ACAD11: variants seen among roughly 807,000 people sequenced by gnomAD.
The protein encoded by ACAD11 is acyl-Coenzyme A dehydrogenase family, member 11.
ACAD11 carries 83 observed loss-of-function variants against 102.2 expected under a neutral mutation model. The observed-to-expected ratio is 0.81, with a 90% CI of 0.68 to 0.97. ACAD11 has a LOEUF of 0.97. Among genes scored for constraint, ACAD11 ranks in the 50% least tolerant of loss-of-function variants. The probability of loss-of-function intolerance (pLI) is 0.00; values close to 1 mark genes in which losing one functional copy is unlikely to be tolerated. For missense variants in ACAD11, 901 were observed against 951.7 expected, an observed-to-expected ratio of 0.95 and a Z score of 0.70; for synonymous variants, 324 against 319.8, an observed-to-expected ratio of 1.01 and a Z score of -0.14.
intron 1 of ACAD11, among the ~76,000 whole-genome samples, chr3:132,656,411 A>C (rs963951490): frequency 1.2e-4 from 19 of 152,020 alleles, no homozygotes; most frequent in African/African-American, 4.6e-4. Context: ...GATCATGTTG[A>C]GTTATTTTTC....
intron 13 of ACAD11, among the ~76,000 whole-genome samples, chr3:132,599,065 C>T (rs1938448746): frequency 6.6e-6 from 1 of 152,186 alleles, no homozygotes; most frequent in Non-Finnish European, 1.5e-5. Flanking sequence ...GTTACTCCAA[C>T]TCTTTGCGAG....
chr3:132,573,742 T>C (rs1044594832), intron 17 of ACAD11, among the ~76,000 whole-genome samples: 2 of 152,230 alleles, frequency 1.3e-5, no homozygotes, highest in African/African-American at 4.8e-5. Context: ...TGGGTCTCTA[T>C]AGACCCTAGA....
chr3:132,562,807 A>G (rs1356345882), intron 17 of ACAD11, among the ~76,000 whole-genome samples: 1 of 152,174 alleles, frequency 6.6e-6, no homozygotes. Context: ...AGTCCTTCAT[A>G]TATTCAGGAC....
At chr3:132,564,889 G>A (rs557173640) in intron 17 of ACAD11, among the ~76,000 whole-genome samples, 11 of 152,272 alleles carry the variant, frequency 7.2e-5, no homozygotes, top group African/African-American at 2.2e-4. Flanking sequence ...ACCTAGTGGT[G>A]TGTTTCCTAG....
Position 132,558,877 on chromosome 3 carries a change from A to G in ACAD11, c.*94T>C. 1.1e-6 allele frequency: 1 copy of G among 894,720 alleles called. No individual in the cohort carries two copies. The highest frequency in any genetic ancestry group is 1.8e-6 in the Non-Finnish European group (1 of 566,304). 55.4% of individuals were successfully genotyped at this position (894,720 alleles called of 1,614,324 possible). ...AAATGAATAATTAACCCTGTGCTCA[A>G]ACTGCTACAAAAATATGAGATTCAA... On this transcript the variant is annotated 3_prime_UTR_variant, in exon 20 of 20. Transcript: ENST00000264990.
At chr3:132,592,096 G>A (rs1440372936) in intron 13 of ACAD11, among the ~76,000 whole-genome samples, 1 of 152,084 alleles carries the variant, frequency 6.6e-6, no homozygotes, top group African/African-American at 2.4e-5. Context: ...ATGAAGTAGA[G>A]GAAGTAAGGG....
intron 17 of ACAD11, among the ~76,000 whole-genome samples, chr3:132,575,010 G>GTT (rs112599628): frequency 4.7e-5 from 7 of 149,974 alleles, no homozygotes; most frequent in African/African-American, 1.7e-4. Context: ...AATTTTTTTT[G>GTT]TTTTTTTTTG....
At chr3:132,577,236 C>CTTTTTTTTTTTTTTTTTTTTTTTTT (rs1379584707) in intron 15 of ACAD11, among the ~76,000 whole-genome samples, 1 of 151,808 alleles carries the variant, frequency 6.6e-6, no homozygotes, top group African/African-American at 2.4e-5. Flanking sequence ...CAGATGTTTT[C>CTTTTTTTTTTTTTTTTTTTTTTTTT]TAATTCATTC....
At chr3:132,567,374 AG>A (rs2107783082) in intron 17 of ACAD11, among the ~76,000 whole-genome samples, 1 of 152,348 alleles carries the variant, frequency 6.6e-6, no homozygotes, top group South Asian at 2.1e-4. Flanking sequence ...TGACACCAAT[AG>A]ACTTTAATAA....
chr3:132,655,186 C>T (rs1937717096), intron 1 of ACAD11, among the ~76,000 whole-genome samples: 2 of 152,218 alleles, frequency 1.3e-5, no homozygotes, highest in Non-Finnish European at 2.9e-5. Flanking sequence ...CCATTCTACA[C>T]TCCCACTCTG....
At position 132,575,880 on chromosome 3, in the gene ACAD11, G is replaced by T. The variant is rs768430179; in HGVS notation, c.1893C>A (p.Gly631=). Residue 631 remains glycine (G), a synonymous_variant, in exon 17 of 20, where the codon GGC becomes GGA. Coordinates refer to ENST00000264990, the MANE Select transcript of ACAD11 (RefSeq NM_032169.5). ...CTGTTCTCATACAGTGGTGGATTCTGCCAGGTCCAAGGCGGCCTTGGGAAA... is the reference window on the plus strand; with the variant it reads ...CTGTTCTCATACAGTGGTGGATTCTTCCAGGTCCAAGGCGGCCTTGGGAAA... ...FEISQGRLGP[G]RIHHCMRTVG... 6.2e-7 allele frequency: 1 copy of T among 1,614,028 alleles called. No individual in the cohort carries two copies. Among genetic ancestry groups the T allele is most frequent in the Non-Finnish European group, 8.5e-7 (1 of 1,179,960 alleles).
chr3:132,628,242 A>G (rs1346917304), intron 8 of ACAD11, 98 bp downstream of exon 8: 3 of 680,426 alleles, frequency 4.4e-6, no homozygotes, highest in African/African-American at 1.9e-5. Context: ...ATCCTGGTGT[A>G]TGCAATAAAA....
At chr3:132,629,783 T>C (rs990758127) in intron 7 of ACAD11, among the ~76,000 whole-genome samples, 1 of 152,174 alleles carries the variant, frequency 6.6e-6, no homozygotes, top group African/African-American at 2.4e-5. Flanking sequence ...CCCTAGCCCC[T>C]TGCTATTGAT....
chr3:132,632,828 C>A (rs1940103903), intron 5 of ACAD11, among the ~76,000 whole-genome samples: 1 of 152,108 alleles, frequency 6.6e-6, no homozygotes, highest in Non-Finnish European at 1.5e-5. Context: ...GTATTTTATT[C>A]TCTTTGAAGC....
chr3:132,633,619 G>C (rs1385722789), intron 5 of ACAD11, among the ~76,000 whole-genome samples: 2 of 152,026 alleles, frequency 1.3e-5, no homozygotes, highest in African/African-American at 2.4e-5. Flanking sequence ...CCCTCTTTTT[G>C]TATTGATTGG....
At chr3:132,632,638 GA>G (rs1940096088) in intron 5 of ACAD11, among the ~76,000 whole-genome samples, 1 of 152,096 alleles carries the variant, frequency 6.6e-6, no homozygotes, top group South Asian at 2.1e-4. Context: ...GCTTGATGGG[GA>G]TGGCATTGAA....
chr3:132,598,637 G>A (rs1394822047), intron 13 of ACAD11, among the ~76,000 whole-genome samples: 1 of 152,142 alleles, frequency 6.6e-6, no homozygotes, highest in Non-Finnish European at 1.5e-5. Context: ...TTATTGAGTA[G>A]GAATTGGCCC....
intron 1 of ACAD11, among the ~76,000 whole-genome samples, chr3:132,645,680 A>G (rs1940690284): frequency 6.6e-6 from 1 of 152,228 alleles, no homozygotes. Context: ...AGTAGAAAAA[A>G]AAATCTTTGG....
intron 17 of ACAD11, among the ~76,000 whole-genome samples, chr3:132,572,955 C>T (rs1214334999): frequency 6.6e-6 from 1 of 152,122 alleles, no homozygotes; most frequent in Non-Finnish European, 1.5e-5. Context: ...GATACAAGTG[C>T]AAAATGTGTA....
Sources: gnomAD v4.1 joint callset for allele counts (sites outside exome capture counted in the v4.1 genomes callset) on GRCh38, gnomAD v4.1.1 for gene constraint, MANE v1.5 for transcripts, NCBI Gene and HGNC (gene_info 2026-07-23, HGNC 2026-07-21) for gene names.